RAP1B: variants seen among roughly 807,000 people sequenced by gnomAD.
RAP1B encodes the protein RAP1B, member of RAS oncogene family, also known as ras-related protein Rap-1b.
A neutral mutation model predicts 27.5 loss-of-function variants in RAP1B; 1 was observed. The ratio of observed to expected loss-of-function variants is 0.04; its 90% CI spans 0.01 to 0.17. RAP1B has a LOEUF of 0.17. Ranked by LOEUF, RAP1B falls within the 10% of genes least tolerant of loss-of-function variation. The probability of loss-of-function intolerance (pLI) is 1.00; values close to 1 mark genes in which losing one functional copy is unlikely to be tolerated. For synonymous variants in RAP1B, 75 were observed against 73.1 expected, an observed-to-expected ratio of 1.03 and a Z score of -0.13; for missense variants, 84 against 214.8, an observed-to-expected ratio of 0.39 and a Z score of 3.81.
chr12:68,611,743 C>CGGA (rs1050290713), intron 1 of RAP1B, among the ~76,000 whole-genome samples: 2 of 152,146 alleles, frequency 1.3e-5, no homozygotes, highest in African/African-American at 4.8e-5. Flanking sequence ...TTAAAGGGGC[C>CGGA]TTTCCCTTCG....
intron 1 of RAP1B, among the ~76,000 whole-genome samples, chr12:68,612,770 C>G (rs1870696975): frequency 6.6e-6 from 1 of 152,126 alleles, no homozygotes; most frequent in Non-Finnish European, 1.5e-5. Flanking sequence ...CTTATTTGAG[C>G]TCATCTGTGC....
chr12:68,670,423 T>C lies in RAP1B; in HGVS notation c.*11174T>C, dbSNP rs1875040343. ...AAGAAAATCTAAGAGACTAGAAATC[T>C]AGAGATAGGGTAGACCTTCTTAGCT... On this transcript the variant is annotated 3_prime_UTR_variant, in exon 8 of 8. Coordinates refer to ENST00000250559, the MANE Select transcript of RAP1B (RefSeq NM_001010942.3). 6.6e-6 allele frequency: 1 copy of C among 152,142 alleles called. No individual in the cohort carries two copies. Among genetic ancestry groups the C allele is most frequent in the Admixed American group, 6.6e-5 (1 of 15,266 alleles). The allele number at this position is 152,142 out of a possible 1,614,324, so 9.4% of individuals were successfully genotyped here.
intron 1 of RAP1B, among the ~76,000 whole-genome samples, chr12:68,629,389 G>A (rs995034832): frequency 6.6e-6 from 1 of 152,198 alleles, no homozygotes; most frequent in Non-Finnish European, 1.5e-5. Flanking sequence ...AGACATGTCA[G>A]TGTTCAGATT....
intron 5 of RAP1B, among the ~76,000 whole-genome samples, chr12:68,656,073 T>C (rs1046398568): frequency 2.6e-5 from 4 of 152,230 alleles, no homozygotes; most frequent in Non-Finnish European, 5.9e-5. Flanking sequence ...TTTGGAGTTA[T>C]CGTTTGCATC....
chr12:68,654,069 C>A, intron 4 of RAP1B, 43 bp from the exon 5 acceptor site: 1 of 1,509,184 alleles, frequency 6.6e-7, no homozygotes, highest in Admixed American at 1.8e-5. Flanking sequence ...AAATAACTGT[C>A]AAAACATTAT....
At chr12:68,653,351 A>G (rs1873950691) in intron 4 of RAP1B, among the ~76,000 whole-genome samples, 1 of 151,556 alleles carries the variant, frequency 6.6e-6, no homozygotes, top group African/African-American at 2.4e-5. Context: ...AATACCTGAT[A>G]CATGTCAGGC....
At position 68,671,417 on chromosome 12, in the gene RAP1B, C is replaced by T. The variant is rs1194876331; in HGVS notation, c.*12168C>T. 6.6e-6 allele frequency: 1 copy of T among 151,956 alleles called. No individual in the cohort carries two copies. Among genetic ancestry groups the T allele is most frequent in the Non-Finnish European group, 1.5e-5 (1 of 67,992 alleles). 9.4% of individuals were successfully genotyped at this position (151,956 alleles called of 1,614,324 possible). A position where few individuals can be genotyped will look rare whatever the true frequency, so the allele number is the denominator to read the frequency against. ...TCTAGAAGGAAAAACAGAGTGCATG[C>T]CCATCAATAGAATAGTTGAATAAAT... On this transcript the variant is annotated 3_prime_UTR_variant, in exon 8 of 8. Coordinates refer to ENST00000250559, the MANE Select transcript of RAP1B (RefSeq NM_001010942.3).
rs1447354347 is a variant in RAP1B, at chr12:68,654,218, G to A, written c.290G>A (p.Arg97Lys). ...ACATTTAACGATTTACAAGACCTGA[G>A]AGAACAGATTCTTCGAGTTAAAGAC... ...QSTFNDLQDL[R>K]EQILRVKDTD... The change falls in exon 5 of 8, where the codon AGA (arginine) becomes AAA (lysine). Residue 97 changes from arginine to lysine, a missense_variant. Physicochemically the swap from Arg to Lys is conservative, Grantham distance 26 (BLOSUM62 2). Transcript: ENST00000250559. 1.2e-6 allele frequency: 2 copies of A among 1,603,098 alleles called. No homozygotes were observed. Among genetic ancestry groups the A allele is most frequent in the Admixed American group, 1.7e-5 (1 of 59,398 alleles).
chr12:68,620,742 G>T (rs1276936064), intron 1 of RAP1B, among the ~76,000 whole-genome samples: 3 of 151,816 alleles, frequency 2.0e-5, no homozygotes, highest in Non-Finnish European at 4.4e-5. Flanking sequence ...GACTACAGGC[G>T]CATGCCACCA....
At chr12:68,616,438 ATTT>A (rs142174644) in intron 1 of RAP1B, among the ~76,000 whole-genome samples, 3,757 of 89,020 alleles carry the variant, frequency 0.042, 48 homozygotes, top group South Asian at 0.068. Context: ...TGCCTGGCTA[ATTT>A]TTTTTTTTTT....
In RAP1B at chr12:68,665,699, G is replaced by C. The variant is rs953904991; in HGVS notation, c.*6450G>C. On this transcript the variant is annotated 3_prime_UTR_variant, in exon 8 of 8. Coordinates refer to ENST00000250559, the MANE Select transcript of RAP1B (RefSeq NM_001010942.3). ...ATTTTTATCTCTCTGTATATACTTG[G>C]TGGTGAATTTGCTACAAATGTAAGG... is the stretch of plus-strand genomic sequence containing the variant. The C allele has an allele frequency of 1.3e-5, 2 of 152,090 alleles. No individual in the cohort carries two copies. Among genetic ancestry groups the C allele is most frequent in the Non-Finnish European group, 2.9e-5 (2 of 68,018 alleles). The allele number at this position is 152,090 out of a possible 1,614,324, so 9.4% of individuals were successfully genotyped here. A position where few individuals can be genotyped will look rare whatever the true frequency, so the allele number is the denominator to read the frequency against.
intron 1 of RAP1B, among the ~76,000 whole-genome samples, chr12:68,642,148 A>G (rs1253237284): frequency 6.6e-6 from 1 of 152,246 alleles, no homozygotes; most frequent in Non-Finnish European, 1.5e-5. Context: ...CAAATGTACT[A>G]CATTTGCAGA....
intron 1 of RAP1B, among the ~76,000 whole-genome samples, chr12:68,632,461 G>A (rs748071104): frequency 1.2e-4 from 18 of 151,956 alleles, no homozygotes; most frequent in Non-Finnish European, 2.1e-4. Context: ...AATTAACAAA[G>A]CAAAATTACT....
chr12:68,625,369 A>C (rs1301696199), intron 1 of RAP1B, among the ~76,000 whole-genome samples: 1 of 152,268 alleles, frequency 6.6e-6, no homozygotes, highest in Non-Finnish European at 1.5e-5. Context: ...AATTAGCTGC[A>C]TAAGCCAGTG....
chr12:68,633,445 T>C (rs1872408505), intron 1 of RAP1B, among the ~76,000 whole-genome samples: 1 of 152,266 alleles, frequency 6.6e-6, no homozygotes, highest in Admixed American at 6.5e-5. Flanking sequence ...CCTGCTTCAT[T>C]GTGAGCTAAC....
intron 1 of RAP1B, among the ~76,000 whole-genome samples, chr12:68,637,565 C>A (rs1294424393): frequency 1.5e-5 from 2 of 134,728 alleles, no homozygotes; most frequent in African/African-American, 5.7e-5. Flanking sequence ...CACCACTGCA[C>A]TCCAGCCTGG....
chr12:68,631,309 A>C (rs904128198), intron 1 of RAP1B, among the ~76,000 whole-genome samples: 1 of 152,112 alleles, frequency 6.6e-6, no homozygotes, highest in South Asian at 2.1e-4. Flanking sequence ...TTCTGACCTC[A>C]TTTTTTGTTT....
At chr12:68,613,781 C>T (rs1376110806) in intron 1 of RAP1B, among the ~76,000 whole-genome samples, 1 of 152,182 alleles carries the variant, frequency 6.6e-6, no homozygotes, top group Non-Finnish European at 1.5e-5. Context: ...TGGTAATGAA[C>T]ATTCAAAGAG....
intron 5 of RAP1B, among the ~76,000 whole-genome samples, chr12:68,654,744 T>C (rs1874079938): frequency 6.6e-6 from 1 of 150,630 alleles, no homozygotes; most frequent in Non-Finnish European, 1.5e-5. Flanking sequence ...CCCAAAGTGC[T>C]GGGATTTTAA....
Sources: allele counts gnomAD v4.1 joint callset (sites outside exome capture counted in the v4.1 genomes callset), GRCh38; gene constraint gnomAD v4.1.1; transcripts MANE v1.5; gene names NCBI Gene and HGNC (gene_info 2026-07-23, HGNC 2026-07-21).